The following CACNA1C variants were observed in gnomAD, a reference collection of about 807,000 sequenced individuals.
CACNA1C encodes calcium voltage-gated channel subunit alpha1 C.
CACNA1C carries 30 observed loss-of-function variants against 229.0 expected under a neutral mutation model. The ratio of observed to expected loss-of-function variants is 0.13; its 90% CI spans 0.10 to 0.18. The LOEUF is 0.18. Among genes scored for constraint, CACNA1C ranks in the 10% least tolerant of loss-of-function variants. The probability of loss-of-function intolerance (pLI) is 1.00; values close to 1 mark genes in which losing one functional copy is unlikely to be tolerated. For synonymous variants in CACNA1C, 1,114 were observed against 1,132.5 expected, an observed-to-expected ratio of 0.98 and a Z score of 0.33; for missense variants, 1,658 against 2,845.0, an observed-to-expected ratio of 0.58 and a Z score of 9.49.
chr12:1,996,887 TTGTG>T (rs1279562683), intron 1 of CACNA1C, among the ~76,000 whole-genome samples: 2 of 152,060 alleles, frequency 1.3e-5, no homozygotes, highest in Non-Finnish European at 2.9e-5. Context: ...GAAAATACAC[TTGTG>T]TGTGTGTATT....
At chr12:2,209,434 G>A (rs1035170432) in intron 3 of CACNA1C, among the ~76,000 whole-genome samples, 4 of 152,226 alleles carry the variant, frequency 2.6e-5, no homozygotes, top group Non-Finnish European at 5.9e-5. Flanking sequence ...GACAAATGGC[G>A]CTCCATCTGT....
intron 3 of CACNA1C, among the ~76,000 whole-genome samples, chr12:2,389,192 C>T (rs1594952633): frequency 6.6e-6 from 1 of 151,958 alleles, no homozygotes; most frequent in Non-Finnish European, 1.5e-5. Flanking sequence ...AACAGAGTCC[C>T]CTGTTCTTGC....
chr12:2,657,917 T>C (rs993249783), intron 34 of CACNA1C, among the ~76,000 whole-genome samples: 1 of 152,058 alleles, frequency 6.6e-6, no homozygotes, highest in Non-Finnish European at 1.5e-5. Flanking sequence ...ATCAAAAATA[T>C]ATAATAGTCA....
intron 3 of CACNA1C, among the ~76,000 whole-genome samples, chr12:2,422,008 C>T (rs1317382664): frequency 6.6e-6 from 1 of 152,020 alleles, no homozygotes; most frequent in African/African-American, 2.4e-5. Context: ...CTCTGTTCCT[C>T]CACTCAGGGA....
chr12:2,527,430 G>A (rs907625064), intron 9 of CACNA1C, among the ~76,000 whole-genome samples: 4 of 152,124 alleles, frequency 2.6e-5, no homozygotes, highest in Admixed American at 6.5e-5. Flanking sequence ...AAAGGAAAAA[G>A]CCTTTGTTTA....
intron 1 of CACNA1C, among the ~76,000 whole-genome samples, chr12:2,087,643 C>T (rs1376648650): frequency 6.6e-6 from 1 of 151,952 alleles, no homozygotes; most frequent in East Asian, 1.9e-4. Flanking sequence ...ATCATAAATT[C>T]CAGAATTTGG....
intron 3 of CACNA1C, among the ~76,000 whole-genome samples, chr12:2,212,541 A>T (rs1376218587): frequency 1.3e-5 from 2 of 152,250 alleles, no homozygotes. Flanking sequence ...TTTTGAGAAT[A>T]GAGAGTTAGA....
intron 1 of CACNA1C, chr12:2,018,286 G>A (rs754312895): frequency 2.0e-5 from 3 of 152,198 alleles, no homozygotes; most frequent in Non-Finnish European, 4.4e-5. Context: ...TGAGAGCAAA[G>A]GGAATGGTAA....
rs1048244022 is a variant in CACNA1C, at chr12:2,575,414, C to G, written c.1896-6176C>G. Among the ~76,000 whole-genome samples, 11 of 152,126 alleles carry G rather than the reference C, an allele frequency of 7.2e-5. No homozygotes were observed. The highest frequency in any genetic ancestry group is 2.7e-4 in the African/African-American group (11 of 41,412). On this transcript the variant is annotated intron_variant, in intron 13 of 46. Coordinates refer to ENST00000399655, the MANE Select transcript of CACNA1C (RefSeq NM_000719.7). The surrounding 1 kb of genome is among the most constrained non-coding windows in gnomAD (Gnocchi z 4.0). ...CTAATCCCTCCCAGCTCTATTGTGT[C>G]TTAAGGGGCTGGGGCTCAATTTGAC...
At chr12:2,551,338 C>T (rs1311364792) in intron 10 of CACNA1C, among the ~76,000 whole-genome samples, 1 of 152,192 alleles carries the variant, frequency 6.6e-6, no homozygotes, top group Admixed American at 6.5e-5. Flanking sequence ...TATTCCCCCA[C>T]GGATGGAGCC....
rs144719569 is a variant in CACNA1C, at chr12:2,275,861, C to CA, written c.477+155437dup. ...GTGAAGCTTGTCTGCAGCGAGCCCT[C>CA]AAAAAACATGGGTTTTGAGCCAGAC... On this transcript the variant is annotated intron_variant, in intron 3 of 46. Coordinates refer to ENST00000399655, the MANE Select transcript of CACNA1C (RefSeq NM_000719.7). The surrounding 1 kb of genome is among the most constrained non-coding windows in gnomAD (Gnocchi z 4.1). Among the ~76,000 whole-genome samples, 7,306 of 152,066 alleles carry CA rather than the reference C, an allele frequency of 0.048. 217 individuals carry two copies. Among genetic ancestry groups the CA allele is most frequent in the Middle Eastern group, 0.068 (20 of 294 alleles).
intron 3 of CACNA1C, among the ~76,000 whole-genome samples, chr12:2,421,442 G>A (rs553633852): frequency 9.9e-5 from 15 of 152,274 alleles, no homozygotes; most frequent in African/African-American, 3.6e-4. Flanking sequence ...GGGACAAATG[G>A]GATTCACCAT....
chr12:2,236,958 C>A (rs2067632704), intron 3 of CACNA1C, among the ~76,000 whole-genome samples: 1 of 152,226 alleles, frequency 6.6e-6, no homozygotes, highest in South Asian at 2.1e-4. Context: ...TCCTAAACTT[C>A]CACCACCATG....
At chr12:2,525,207 C>T (rs778370789) in intron 9 of CACNA1C, among the ~76,000 whole-genome samples, 1 of 152,012 alleles carries the variant, frequency 6.6e-6, no homozygotes. Flanking sequence ...AGTTTACCAT[C>T]GAAAGGTCAC....
At chr12:2,088,758 C>T (rs117186989) in intron 1 of CACNA1C, among the ~76,000 whole-genome samples, 3 of 152,124 alleles carry the variant, frequency 2.0e-5, no homozygotes, top group African/African-American at 7.2e-5. Context: ...GACCTTCCCA[C>T]TGTCCTCGGG....
intron 18 of CACNA1C, among the ~76,000 whole-genome samples, chr12:2,586,801 G>A (rs2062639221): frequency 6.6e-6 from 1 of 152,184 alleles, no homozygotes; most frequent in African/African-American, 2.4e-5. Context: ...ACTCCCTGTG[G>A]TCACACCATC....
chr12:2,277,941 G>A lies in CACNA1C; in HGVS notation c.477+157511G>A, dbSNP rs773750543. 7.9e-5 allele frequency among the ~76,000 whole-genome samples: 12 copies of A among 152,216 alleles called. 1 individual carries two copies. The highest frequency in any genetic ancestry group is 1.8e-4 in the Non-Finnish European group (12 of 68,042). On this transcript the variant is annotated intron_variant, in intron 3 of 46. Transcript: ENST00000399655. ...GAAACTGCCTCCAGTCTCACTCATC[G>A]TGCTGAGATGGGTTGCATGGCACAC...
chr12:2,662,564 A>T (rs1603419189), intron 34 of CACNA1C, among the ~76,000 whole-genome samples: 4 of 152,360 alleles, frequency 2.6e-5, no homozygotes, highest in Admixed American at 2.6e-4. Context: ...AGGATTCTGC[A>T]AATGAATTGA....
intron 3 of CACNA1C, among the ~76,000 whole-genome samples, chr12:2,417,472 A>T (rs1014922146): frequency 3.3e-5 from 5 of 152,044 alleles, no homozygotes; most frequent in African/African-American, 1.2e-4. Flanking sequence ...GTCTCTGGGG[A>T]TAGGGCCCAG....
Sources: gnomAD v4.1 joint callset for allele counts (sites outside exome capture counted in the v4.1 genomes callset) on GRCh38, gnomAD v4.1.1 for gene constraint, Gnocchi (gnomAD v3.1) non-coding constraint, MANE v1.5 for transcripts, NCBI Gene and HGNC (gene_info 2026-07-23, HGNC 2026-07-21) for gene names.